ZNF438: variants seen among roughly 807,000 people sequenced by gnomAD.
ZNF438 encodes the protein zinc finger protein 438.
A neutral mutation model predicts 38.0 loss-of-function variants in ZNF438; 25 were observed. The observed-to-expected ratio is 0.66, with a 90% CI of 0.48 to 0.92. ZNF438 has a LOEUF of 0.92. ZNF438 is among the 40% of genes least tolerant of loss of function. The probability of loss-of-function intolerance (pLI) is 0.00; values close to 1 mark genes in which losing one functional copy is unlikely to be tolerated. For missense variants in ZNF438, 1,007 were observed against 999.6 expected (o/e 1.01, Z -0.10); for synonymous variants, 372 against 364.1 (o/e 1.02, Z -0.25).
rs542531846 is a variant in ZNF438, at chr10:30,891,618, G to A, written c.-31-14553C>T. On this transcript the variant is annotated intron_variant, in intron 3 of 5. Transcript: ENST00000413025. ...CATCAGGTTTGGGGGCCTTTCAGAT[G>A]TATCAATATTAAGTTTCACTAACTA... Among the ~76,000 whole-genome samples the A allele has an allele frequency of 8.5e-5, 13 of 152,202 alleles. No individual in the cohort carries two copies. In the South Asian group the frequency reaches 2.5e-3, roughly 29 times the overall value.
chr10:30,854,163 C>CA (rs1418775483), intron 4 of ZNF438, among the ~76,000 whole-genome samples: 38 of 151,874 alleles, frequency 2.5e-4, no homozygotes, highest in African/African-American at 8.9e-4. Context: ...ACTAAAAATA[C>CA]AAAAAAATTA....
chr10:31,017,191 A>G (rs1265653642), intron 1 of ZNF438, among the ~76,000 whole-genome samples: 3 of 152,366 alleles, frequency 2.0e-5, no homozygotes, highest in East Asian at 1.9e-4. Context: ...AAGGAATTGC[A>G]AAGTATCTCT....
chr10:30,851,717 T>G (rs953941236), intron 4 of ZNF438, among the ~76,000 whole-genome samples: 8 of 152,210 alleles, frequency 5.3e-5, no homozygotes, highest in Admixed American at 2.0e-4. Flanking sequence ...CAGTTCAAGT[T>G]TTTGCTTCTG....
At chr10:31,014,070 T>C (rs767387580) in intron 1 of ZNF438, among the ~76,000 whole-genome samples, 1 of 152,084 alleles carries the variant, frequency 6.6e-6, no homozygotes, top group Admixed American at 6.5e-5. Flanking sequence ...CTTAAAATGC[T>C]TGTCTCTTGG....
chr10:31,000,460 T>C (rs899375661), intron 1 of ZNF438, among the ~76,000 whole-genome samples: 1 of 152,232 alleles, frequency 6.6e-6, no homozygotes. Flanking sequence ...AATTCCTTTT[T>C]CTCTCTACCC....
At chr10:30,921,040 G>A (rs1778699016) in intron 2 of ZNF438, 2 of 152,158 alleles carry the variant, frequency 1.3e-5, no homozygotes, top group African/African-American at 4.8e-5. Context: ...TACCTAGAAA[G>A]AGGCAAAGTT....
chr10:30,851,841 C>A (rs764289224), intron 4 of ZNF438, among the ~76,000 whole-genome samples: 3 of 152,054 alleles, frequency 2.0e-5, no homozygotes, highest in African/African-American at 2.4e-5. Context: ...AGGTAGCAGA[C>A]AATCTAGTGA....
At chr10:30,939,776 T>C (rs186136383) in intron 2 of ZNF438, among the ~76,000 whole-genome samples, 8 of 152,362 alleles carry the variant, frequency 5.3e-5, no homozygotes, top group African/African-American at 1.9e-4. Flanking sequence ...TTCTAGAGCA[T>C]GGGAGATATA....
chr10:30,844,988 G>A (rs1204647476), exon 6 of ZNF438: 1 of 1,613,860 alleles, frequency 6.2e-7, no homozygotes, highest in Non-Finnish European at 8.5e-7. Flanking sequence ...TGGAAAGTTC[G>A]ATCACTCCCT....
At chr10:30,851,919 G>A (rs549727078) in intron 4 of ZNF438, among the ~76,000 whole-genome samples, 4 of 152,150 alleles carry the variant, frequency 2.6e-5, no homozygotes, top group South Asian at 2.1e-4. Context: ...AGCACTTTGG[G>A]AGGCTGAGAT....
intron 1 of ZNF438, among the ~76,000 whole-genome samples, chr10:30,972,255 C>T (rs999580871): frequency 2.0e-5 from 3 of 152,260 alleles, no homozygotes; most frequent in South Asian, 2.1e-4. Flanking sequence ...AAGCGTGAGC[C>T]GCCACGCCCG....
chr10:30,943,674 G>GTCC (rs2047059332), intron 1 of ZNF438, among the ~76,000 whole-genome samples: 1 of 152,080 alleles, frequency 6.6e-6, no homozygotes, highest in East Asian at 1.9e-4. Flanking sequence ...TTGGAGCAGT[G>GTCC]TCCTGGAAGT....
chr10:30,956,907 G>A (rs1040159752), intron 1 of ZNF438, among the ~76,000 whole-genome samples: 2 of 152,142 alleles, frequency 1.3e-5, no homozygotes, highest in Non-Finnish European at 2.9e-5. Context: ...TATATAAGCC[G>A]TACAGTGAAA....
intron 1 of ZNF438, among the ~76,000 whole-genome samples, chr10:31,008,355 T>G (rs886730571): frequency 2.0e-5 from 3 of 152,198 alleles, no homozygotes; most frequent in African/African-American, 7.2e-5. Flanking sequence ...TTTTAGTATA[T>G]TCAGAGTTGT....
chr10:31,027,741 G>A lies in ZNF438; in HGVS notation c.-192+4092C>T, dbSNP rs375023166. ...TACAAGAGCAGATTTAAAACGTTGT[G>A]AACTGCAAAATGAGATGGCACCCCT... On this transcript the variant is annotated intron_variant, in intron 1 of 5. Transcript: ENST00000413025. Among the ~76,000 whole-genome samples the A allele has an allele frequency of 2.4e-4, 36 of 152,230 alleles. No individual in the cohort carries two copies. The South Asian group carries it at 7.3e-3, about 31-fold the overall frequency.
intron 1 of ZNF438, among the ~76,000 whole-genome samples, chr10:30,943,483 AAAAGAGGGGCTTTT>A (rs1436417437): frequency 6.6e-6 from 1 of 152,214 alleles, no homozygotes; most frequent in Admixed American, 6.5e-5. Flanking sequence ...AAGAAAACAG[AAAAGAGGGGCTTTT>A]AGTATTTAAG....
intron 1 of ZNF438, among the ~76,000 whole-genome samples, chr10:30,961,778 C>G (rs1380565454): frequency 6.9e-6 from 1 of 145,226 alleles, no homozygotes; most frequent in East Asian, 1.9e-4. Flanking sequence ...ATCCTAGCTA[C>G]TCAGGAGGCT....
At chr10:30,883,808 G>A (rs930027262) in intron 3 of ZNF438, among the ~76,000 whole-genome samples, 2 of 152,138 alleles carry the variant, frequency 1.3e-5, no homozygotes, top group African/African-American at 4.8e-5. Flanking sequence ...ATCCCTTGAC[G>A]ACAGGAGGTT....
intron 3 of ZNF438, among the ~76,000 whole-genome samples, chr10:30,894,986 A>G (rs2041147478): frequency 6.6e-6 from 1 of 152,244 alleles, no homozygotes; most frequent in African/African-American, 2.4e-5. Flanking sequence ...TTAACCTTAC[A>G]ACAAAAATTT....
Sources: allele counts gnomAD v4.1 joint callset (sites outside exome capture counted in the v4.1 genomes callset), GRCh38; gene constraint gnomAD v4.1.1; transcripts MANE v1.5; gene names NCBI Gene and HGNC (gene_info 2026-07-23, HGNC 2026-07-21).